Variants in ZDHHC15 observed in about 807,000 individuals in gnomAD.
ZDHHC15 encodes zDHHC palmitoyltransferase 15.
ZDHHC15 carries 19 observed loss-of-function variants against 31.7 expected under a neutral mutation model. The ratio of observed to expected loss-of-function variants is 0.60; its 90% CI spans 0.42 to 0.88. The LOEUF is 0.88. Among genes scored for constraint, ZDHHC15 ranks in the 40% least tolerant of loss-of-function variants. The pLI, the probability that ZDHHC15 is intolerant of heterozygous loss-of-function variation, is 0.00. For missense variants in ZDHHC15, 209 were observed against 251.2 expected (o/e 0.83, Z 1.14); for synonymous variants, 103 against 90.0 (o/e 1.14, Z -0.82).
At chrX:75,478,769 A>C (rs1234658558) in intron 3 of ZDHHC15, 122 bp downstream of exon 3, 2 of 499,788 alleles carry the variant, frequency 4.0e-6, no homozygotes, top group Non-Finnish European at 6.6e-6. Flanking sequence ...TATCACTAGG[A>C]GTTCTTTAAG....
chrX:75,509,024 T>C (rs1225269104), intron 1 of ZDHHC15, among the ~76,000 whole-genome samples: 1 of 111,353 alleles, frequency 9.0e-6, no homozygotes, highest in Non-Finnish European at 1.9e-5. Context: ...TTTGTTTGAG[T>C]TCTTTGTAGA....
intron 4 of ZDHHC15, among the ~76,000 whole-genome samples, chrX:75,447,882 C>G (rs749915707): frequency 9.0e-6 from 1 of 111,519 alleles, no homozygotes; most frequent in Non-Finnish European, 1.9e-5. Flanking sequence ...ATCAACAGGA[C>G]AAGAGGCAGG....
intron 2 of ZDHHC15, among the ~76,000 whole-genome samples, chrX:75,501,107 C>G (rs917424361): frequency 2.7e-5 from 3 of 110,422 alleles, no homozygotes; most frequent in African/African-American, 9.9e-5. Context: ...TTTTCTGTTC[C>G]TCTGCCTCCT....
chrX:75,490,519 T>A (rs754503146), intron 2 of ZDHHC15, among the ~76,000 whole-genome samples: 1 of 111,706 alleles, frequency 9.0e-6, no homozygotes, highest in African/African-American at 3.3e-5. Flanking sequence ...TTTTTCCAAT[T>A]CTGTGAAGAA....
intron 9 of ZDHHC15, 146 bp downstream of exon 9, chrX:75,421,718 T>A: frequency 1.7e-6 from 1 of 572,465 alleles, no homozygotes; most frequent in African/African-American, 2.4e-5. Context: ...ACCTCTTTAT[T>A]TGCCTTTATT....
intron 3 of ZDHHC15, among the ~76,000 whole-genome samples, chrX:75,460,196 C>A (rs1411675401): frequency 8.9e-6 from 1 of 111,923 alleles, no homozygotes; most frequent in African/African-American, 3.2e-5. Context: ...TTAAGTGGGA[C>A]CCCAACCCAT....
chrX:75,391,793 G>C (rs939206578), intron 10 of ZDHHC15, among the ~76,000 whole-genome samples: 9 of 111,927 alleles, frequency 8.0e-5, no homozygotes, highest in African/African-American at 2.9e-4. Flanking sequence ...ACTGGTAATA[G>C]CACACAGAAA....
At chrX:75,414,100 T>G (rs1425694274) in intron 10 of ZDHHC15, among the ~76,000 whole-genome samples, 1 of 111,992 alleles carries the variant, frequency 8.9e-6, no homozygotes, top group Non-Finnish European at 1.9e-5. Flanking sequence ...CATCTCTGGA[T>G]CATTTCCTCA....
chrX:75,454,348 G>T (rs2084179390), intron 3 of ZDHHC15, among the ~76,000 whole-genome samples: 1 of 111,866 alleles, frequency 8.9e-6, no homozygotes. Context: ...GGACATTAGG[G>T]TTGGTTCCAA....
intron 3 of ZDHHC15, among the ~76,000 whole-genome samples, chrX:75,463,768 C>T (rs981374585): frequency 1.8e-5 from 2 of 111,549 alleles, no homozygotes; most frequent in Non-Finnish European, 3.8e-5. Context: ...GTTAGAATGG[C>T]AATCATTAAA....
chrX:75,469,676 T>C (rs1346474327), intron 3 of ZDHHC15, among the ~76,000 whole-genome samples: 1 of 111,984 alleles, frequency 8.9e-6, no homozygotes, highest in Non-Finnish European at 1.9e-5. Context: ...AATAACACTA[T>C]AAACATAGAT....
At chrX:75,398,247 G>C (rs752843453) in intron 10 of ZDHHC15, among the ~76,000 whole-genome samples, 1 of 112,397 alleles carries the variant, frequency 8.9e-6, no homozygotes, top group Non-Finnish European at 1.9e-5. Flanking sequence ...TGCCTTAGCC[G>C]TTCCAGCCTT....
intron 10 of ZDHHC15, among the ~76,000 whole-genome samples, chrX:75,379,990 T>C (rs1259876688): frequency 1.6e-5 from 1 of 62,211 alleles, no homozygotes; most frequent in African/African-American, 4.3e-5. Flanking sequence ...CAGGTTGCTT[T>C]CTTCCAGGAA....
At chrX:75,442,118 C>T (rs1252196272) in intron 4 of ZDHHC15, among the ~76,000 whole-genome samples, 2 of 112,204 alleles carry the variant, frequency 1.8e-5, no homozygotes, top group African/African-American at 3.2e-5. Flanking sequence ...AACATTCTTT[C>T]TAAGTGTCTT....
At chrX:75,444,677 T>TAC (rs2084005167) in intron 4 of ZDHHC15, among the ~76,000 whole-genome samples, 9 of 41,750 alleles carry the variant, frequency 2.2e-4, no homozygotes, top group Non-Finnish European at 3.1e-4. Flanking sequence ...TATATATATA[T>TAC]ATATATATAT....
chrX:75,453,573 T>G (rs989734583), intron 3 of ZDHHC15, among the ~76,000 whole-genome samples: 1 of 110,676 alleles, frequency 9.0e-6, no homozygotes, highest in Non-Finnish European at 1.9e-5. Context: ...AGGCTGGCAG[T>G]GACACAACAA....
rs181220128 is a variant in ZDHHC15, at chrX:75,419,103, A to G, written c.864-1913T>C. On this transcript the variant is annotated intron_variant, in intron 9 of 11. Coordinates refer to ENST00000373367, the MANE Select transcript of ZDHHC15 (RefSeq NM_144969.3). Reference sequence around the variant, plus strand: ...CAGAATCTACAAATAACTTAAACATATTTACAAGAGAAAAACAAACAACCC... The same window carrying G: ...CAGAATCTACAAATAACTTAAACATGTTTACAAGAGAAAAACAAACAACCC... 2.2e-3 allele frequency among the ~76,000 whole-genome samples: 241 copies of G among 111,749 alleles called. 1 individual carries two copies. Among genetic ancestry groups the G allele is most frequent in the African/African-American group, 7.1e-3 (220 of 30,871 alleles).
rs140738411 is a variant in ZDHHC15, at chrX:75,466,967, C to A, written c.258+11924G>T. On this transcript the variant is annotated intron_variant, in intron 3 of 11. Coordinates refer to ENST00000373367, the MANE Select transcript of ZDHHC15 (RefSeq NM_144969.3). ...ATTCACACCTAGGTGATGGGATTAT[C>A]TGTGCAGCAAAGCACCATGGCAAAC... Among the ~76,000 whole-genome samples, 887 of 111,492 alleles carry A rather than the reference C, an allele frequency of 8.0e-3. 11 individuals are homozygous for A. The highest frequency in any genetic ancestry group is 0.027 in the African/African-American group (817 of 30,697).
At chrX:75,407,736 C>T (rs1159303207) in intron 10 of ZDHHC15, among the ~76,000 whole-genome samples, 1 of 112,917 alleles carries the variant, frequency 8.9e-6, no homozygotes, top group Non-Finnish European at 1.9e-5. Flanking sequence ...TGAGAATGGG[C>T]CATGATGACG....
Sources: gnomAD v4.1 joint callset for allele counts (sites outside exome capture counted in the v4.1 genomes callset) on GRCh38, gnomAD v4.1.1 for gene constraint, MANE v1.5 for transcripts, NCBI Gene and HGNC (gene_info 2026-07-23, HGNC 2026-07-21) for gene names.